PHF14: variants seen among roughly 807,000 people sequenced by gnomAD.
PHF14 encodes the protein PHD finger protein 14.
A neutral mutation model predicts 117.9 loss-of-function variants in PHF14; 55 were observed. The ratio of observed to expected loss-of-function variants is 0.47; its 90% CI spans 0.38 to 0.58. The LOEUF is 0.58. Ranked by LOEUF, PHF14 falls within the 20% of genes least tolerant of loss-of-function variation. PHF14 has a pLI of 0.00. For missense variants in PHF14, 978 were observed against 1,122.2 expected (o/e 0.87, Z 1.84); for synonymous variants, 409 against 368.6 (o/e 1.11, Z -1.26).
intron 7 of PHF14, among the ~76,000 whole-genome samples, chr7:11,031,328 T>A (rs1178064007): frequency 6.6e-6 from 1 of 152,186 alleles, no homozygotes; most frequent in Non-Finnish European, 1.5e-5. Flanking sequence ...CCATGTGACA[T>A]TTCTATTCTT....
Position 10,982,884 on chromosome 7 carries a change from G to A in PHF14, c.625G>A (p.Glu209Lys), listed in dbSNP as rs373644634. 1 of 1,613,426 alleles carries A rather than the reference G, an allele frequency of 6.2e-7. No homozygotes were observed. The highest frequency in any genetic ancestry group is 1.3e-5 in the African/African-American group (1 of 74,900). Residue 209 changes from glutamate (E) to lysine (K), a missense_variant, in exon 3 of 18, where the codon GAG becomes AAG. By Grantham distance (56) the Glu-to-Lys change is moderately conservative. Coordinates refer to ENST00000634607, the MANE Select transcript of PHF14 (RefSeq NM_001007157.2). ...ELNDMDDYDS[E>K]DDNDWRPTVV... ...GAATGACATGGATGACTATGACAGT[G>A]AGGATGACAATGATTGGCGACCTAC...
chr7:11,109,134 C>T (rs1455597771), intron 16 of PHF14: 1 of 151,776 alleles, frequency 6.6e-6, no homozygotes, highest in East Asian at 1.9e-4. Flanking sequence ...TGTCAGTTTA[C>T]ATAGCCTCAG....
chr7:11,152,462 A>T (rs903102930), intron 17 of PHF14, among the ~76,000 whole-genome samples: 7 of 152,114 alleles, frequency 4.6e-5, no homozygotes, highest in African/African-American at 1.7e-4. Context: ...CTTTAATAAT[A>T]TACAATAATA....
intron 4 of PHF14, among the ~76,000 whole-genome samples, chr7:11,009,273 G>C (rs1783253074): frequency 6.6e-6 from 1 of 152,144 alleles, no homozygotes; most frequent in Admixed American, 6.5e-5. Flanking sequence ...AAGACTGAAA[G>C]TCCACTGGCC....
chr7:11,044,456 T>G (rs1480069281), intron 13 of PHF14, among the ~76,000 whole-genome samples: 1 of 152,176 alleles, frequency 6.6e-6, no homozygotes, highest in Non-Finnish European at 1.5e-5. Flanking sequence ...GAAGTTAATG[T>G]TGTAGCACAG....
intron 13 of PHF14, among the ~76,000 whole-genome samples, chr7:11,046,584 G>A (rs1028785776): frequency 1.1e-4 from 17 of 152,060 alleles, no homozygotes; most frequent in Admixed American, 4.6e-4. Context: ...AGGAATTCCA[G>A]CATTAGAATG....
chr7:10,974,520 T>C (rs1781796674), intron 1 of PHF14, among the ~76,000 whole-genome samples, 196 bp downstream of exon 1: 1 of 152,250 alleles, frequency 6.6e-6, no homozygotes, highest in Admixed American at 6.5e-5. Flanking sequence ...ACTGTTACGA[T>C]GTCTAAGTGG....
chr7:11,037,895 T>C (rs952578996), intron 10 of PHF14, among the ~76,000 whole-genome samples: 3 of 152,146 alleles, frequency 2.0e-5, no homozygotes, highest in Admixed American at 6.5e-5. Context: ...AACTCTATGA[T>C]CCTTAGTTTT....
intron 8 of PHF14, 98 bp from the exon 9 acceptor site, chr7:11,036,320 A>G: frequency 9.5e-7 from 1 of 1,047,278 alleles, no homozygotes. Context: ...AGTTCTGATT[A>G]TCTTTCTGTG....
At chr7:11,095,059 C>T (rs1000162092) in intron 16 of PHF14, among the ~76,000 whole-genome samples, 2 of 152,072 alleles carry the variant, frequency 1.3e-5, no homozygotes, top group Admixed American at 1.3e-4. Context: ...AGTCAACTGC[C>T]AGTAATCACT....
intron 17 of PHF14, among the ~76,000 whole-genome samples, chr7:11,161,224 G>A (rs1370942019): frequency 6.6e-6 from 1 of 151,640 alleles, no homozygotes; most frequent in African/African-American, 2.4e-5. Context: ...TAATTTTAGG[G>A]CCTGAGCAAA....
chr7:11,021,583 G>C (rs1419401313), intron 5 of PHF14, among the ~76,000 whole-genome samples: 1 of 152,148 alleles, frequency 6.6e-6, no homozygotes, highest in African/African-American at 2.4e-5. Context: ...CAAGCAGCCA[G>C]CTGTTAGGTT....
At position 11,164,372 on chromosome 7, in the gene PHF14, G is replaced by T. The variant is rs73286535; in HGVS notation, c.2773-5044G>T. 3.4e-3 allele frequency among the ~76,000 whole-genome samples: 520 copies of T among 152,228 alleles called. 1 individual carries two copies. The highest frequency in any genetic ancestry group is 0.012 in the African/African-American group (505 of 41,540). On this transcript the variant is annotated intron_variant, in intron 17 of 17. Transcript: ENST00000634607. Reference sequence around the variant, plus strand: ...ATCTATGCTCACAGTGGGAAAACAAGAAAATGTGGCAAAGCACAGGTAAGA... The same window carrying T: ...ATCTATGCTCACAGTGGGAAAACAATAAAATGTGGCAAAGCACAGGTAAGA...
intron 17 of PHF14, among the ~76,000 whole-genome samples, chr7:11,165,647 G>A (rs1789181611): frequency 6.6e-6 from 1 of 152,090 alleles, no homozygotes; most frequent in Non-Finnish European, 1.5e-5. Context: ...TGCTAAAATA[G>A]TTGGCCATTG....
chr7:11,141,129 C>G (rs1482608671), intron 17 of PHF14, among the ~76,000 whole-genome samples: 1 of 152,066 alleles, frequency 6.6e-6, no homozygotes, highest in African/African-American at 2.4e-5. Context: ...AATTGGTTCT[C>G]CAAGGTTGTT....
intron 10 of PHF14, 45 bp downstream of exon 10, chr7:11,037,136 T>C: frequency 1.4e-6 from 2 of 1,420,888 alleles, no homozygotes; most frequent in Non-Finnish European, 1.9e-6. Flanking sequence ...TAGATCTTAC[T>C]GATGATTTCT....
In PHF14 at chr7:11,130,909, A is replaced by G. The variant is rs923010752; in HGVS notation, c.2772+19442A>G. ...TAGTTTTGCCTTTTCTGAATGTCAT[A>G]TAGTATGTAGCCTGTTCAATTTGGC... On this transcript the variant is annotated intron_variant, in intron 17 of 17. Transcript: ENST00000634607. The surrounding 1 kb of genome is among the most constrained non-coding windows in gnomAD (Gnocchi z 4.2). Among the ~76,000 whole-genome samples the G allele has an allele frequency of 2.0e-5, 3 of 151,752 alleles. No individual in the cohort carries two copies. Among genetic ancestry groups the G allele is most frequent in the South Asian group, 4.1e-4 (2 of 4,820 alleles).
chr7:11,166,535 G>C (rs1789205982), intron 17 of PHF14, among the ~76,000 whole-genome samples: 2 of 152,104 alleles, frequency 1.3e-5, no homozygotes, highest in Admixed American at 1.3e-4. Flanking sequence ...AAATTGACCT[G>C]CAATGTGAAA....
chr7:11,022,547 A>G (rs541995369), intron 5 of PHF14, among the ~76,000 whole-genome samples: 3 of 152,282 alleles, frequency 2.0e-5, no homozygotes, highest in Admixed American at 6.5e-5. Context: ...TCATTTGAAT[A>G]GTAGTTTTAT....
Sources: allele counts gnomAD v4.1 joint callset (sites outside exome capture counted in the v4.1 genomes callset), GRCh38; gene constraint gnomAD v4.1.1; non-coding constraint Gnocchi (gnomAD v3.1); transcripts MANE v1.5; gene names NCBI Gene and HGNC (gene_info 2026-07-23, HGNC 2026-07-21).